Variants in MTA3 observed in about 807,000 individuals in gnomAD.
MTA3 encodes the protein metastasis associated 1 family member 3, also known as metastasis-associated protein MTA3.
MTA3 carries 34 observed loss-of-function variants against 83.5 expected under a neutral mutation model. The observed-to-expected ratio is 0.41, with a 90% CI of 0.31 to 0.54. The LOEUF (loss-of-function observed/expected upper bound fraction) is 0.54, where lower values mean the gene tolerates loss of function less well. MTA3 is among the 20% of genes least tolerant of loss of function. The pLI is 0.33. For missense variants in MTA3, 761 were observed against 726.4 expected, an observed-to-expected ratio of 1.05 and a Z score of -0.55; for synonymous variants, 303 against 252.7, an observed-to-expected ratio of 1.20 and a Z score of -1.89.
At chr2:42,518,545 ATAAAT>A (rs1482331327) in intron 2 of MTA3, among the ~76,000 whole-genome samples, 2 of 152,222 alleles carry the variant, frequency 1.3e-5, no homozygotes, top group Non-Finnish European at 2.9e-5. Flanking sequence ...AAAAGACTAA[ATAAAT>A]AAATGGGAAG....
At chr2:42,556,728 C>G (rs1677410187) in intron 2 of MTA3, among the ~76,000 whole-genome samples, 1 of 152,134 alleles carries the variant, frequency 6.6e-6, no homozygotes, top group African/African-American at 2.4e-5. Context: ...CCATGCCAGC[C>G]CAGATCTGAG....
intron 9 of MTA3, among the ~76,000 whole-genome samples, chr2:42,684,731 T>G (rs77676374): frequency 0.014 from 2,185 of 152,320 alleles, 52 homozygotes; most frequent in African/African-American, 0.049. Context: ...GTGAAAATAC[T>G]TTTCCCTGCA....
chr2:42,708,046 A>C lies in MTA3; in HGVS notation c.1294A>C (p.Thr432Pro). 6.2e-7 allele frequency: 1 copy of C among 1,606,602 alleles called. No individual in the cohort carries two copies. Residue 432 changes from threonine (T) to proline (P), a missense_variant, in exon 13 of 17, where the codon ACT becomes CCT. By Grantham distance (38) the Thr-to-Pro change is conservative. Transcript: ENST00000405094. The part of the protein sequence containing the change: ...SEEEKLSPSP[T>P]TEDPRVRSHV... ...AGAAGAGAAGTTATCTCCTAGCCCA[A>C]CTACAGAGGTACAGTAGTCTTTTTA...
chr2:42,647,893 C>T (rs929811495), intron 6 of MTA3, among the ~76,000 whole-genome samples: 5 of 152,294 alleles, frequency 3.3e-5, no homozygotes, highest in Middle Eastern at 3.4e-3. Context: ...GGCTGGAGTG[C>T]GGTGGCGTGA....
chr2:42,564,573 T>C (rs1157496210), upstream of MTA3, among the ~76,000 whole-genome samples: 1 of 152,140 alleles, frequency 6.6e-6, no homozygotes, highest in Non-Finnish European at 1.5e-5. Flanking sequence ...TGGCCTTTTC[T>C]GAAAGAATTT....
At chr2:42,686,156 C>T (rs1244145606) in intron 9 of MTA3, among the ~76,000 whole-genome samples, 3 of 152,148 alleles carry the variant, frequency 2.0e-5, no homozygotes, top group African/African-American at 4.8e-5. Context: ...TTTTCTGCTT[C>T]CAGTGTCTTA....
chr2:42,668,571 G>A lies in MTA3; in HGVS notation c.702+8709G>A, dbSNP rs143594280. ...AGCTCAATAAATATTAGTTGTTATTGTTGAGAAGACGACAATGGTGCATTT... is the reference window on the plus strand; with the variant it reads ...AGCTCAATAAATATTAGTTGTTATTATTGAGAAGACGACAATGGTGCATTT... On this transcript the variant is annotated intron_variant, in intron 8 of 16. Coordinates refer to ENST00000405094, the MANE Select transcript of MTA3 (RefSeq NM_001330442.2). Among the ~76,000 whole-genome samples, 16 of 152,304 alleles carry A rather than the reference G, an allele frequency of 1.1e-4. No individual in the cohort carries two copies. In the East Asian group the frequency reaches 3.1e-3, roughly 29 times the overall value.
At chr2:42,622,152 C>T (rs1268121689) in intron 4 of MTA3, among the ~76,000 whole-genome samples, 4 of 152,208 alleles carry the variant, frequency 2.6e-5, no homozygotes, top group South Asian at 2.1e-4. Context: ...TCTGCAATCC[C>T]GGCACCTCGG....
chr2:42,589,159 C>T (rs1028598953), intron 3 of MTA3, among the ~76,000 whole-genome samples: 3 of 152,070 alleles, frequency 2.0e-5, no homozygotes, highest in Non-Finnish European at 4.4e-5. Context: ...AAACCATCAT[C>T]GGCACCTTAT....
At chr2:42,567,238 C>A (rs1479482352), upstream of MTA3, among the ~76,000 whole-genome samples, 1 of 152,226 alleles carries the variant, frequency 6.6e-6, no homozygotes, top group African/African-American at 2.4e-5. Context: ...ATCCTTACCA[C>A]ACCTGTGAAG....
At chr2:42,582,547 G>T (rs1432449580) in intron 3 of MTA3, among the ~76,000 whole-genome samples, 1 of 152,056 alleles carries the variant, frequency 6.6e-6, no homozygotes, top group Non-Finnish European at 1.5e-5. Context: ...CACCATTTAG[G>T]TAGGCCAAGT....
At position 42,575,561 on chromosome 2, in the gene MTA3, A is replaced by T. The variant is rs60646215; in HGVS notation, c.97-3546A>T. On this transcript the variant is annotated intron_variant, in intron 2 of 16. Transcript: ENST00000405094. ...TAGACAGTGAGAATGCAAGGGTGATAAAAAAAAAACAGGTCTAGTGGAGAC... is the reference window on the plus strand; with the variant it reads ...TAGACAGTGAGAATGCAAGGGTGATTAAAAAAAAACAGGTCTAGTGGAGAC... Among the ~76,000 whole-genome samples the T allele has an allele frequency of 8.9e-5, 13 of 146,268 alleles. No homozygotes were observed. The East Asian group carries it at 2.0e-3, about 22-fold the overall frequency.
chr2:42,654,054 C>G (rs537279243), intron 6 of MTA3, among the ~76,000 whole-genome samples: 1 of 152,192 alleles, frequency 6.6e-6, no homozygotes, highest in Non-Finnish European at 1.5e-5. Flanking sequence ...TCTTGGCATG[C>G]TAAGAATTGT....
intron 4 of MTA3, among the ~76,000 whole-genome samples, chr2:42,629,982 A>T (rs1686515316): frequency 6.6e-6 from 1 of 152,026 alleles, no homozygotes; most frequent in Non-Finnish European, 1.5e-5. Context: ...GGGTTTCACC[A>T]TGTTGGCCAG....
intron 2 of MTA3, among the ~76,000 whole-genome samples, chr2:42,559,552 T>TC (rs1677564541): frequency 6.7e-6 from 1 of 149,438 alleles, no homozygotes; most frequent in Admixed American, 6.7e-5. Context: ...TTATATTCAA[T>TC]CCTTCAGTAA....
At chr2:42,657,936 A>G (rs1174089737) in intron 7 of MTA3, among the ~76,000 whole-genome samples, 1 of 151,616 alleles carries the variant, frequency 6.6e-6, no homozygotes, top group Non-Finnish European at 1.5e-5. Flanking sequence ...GCTGGGCATG[A>G]TGGTGGGTGC....
chr2:42,598,435 A>G (rs1682117882), intron 3 of MTA3, among the ~76,000 whole-genome samples: 2 of 152,124 alleles, frequency 1.3e-5, no homozygotes, highest in African/African-American at 4.8e-5. Flanking sequence ...AGTCCAAAGT[A>G]TTTTTCATTT....
rs1000979347 is a variant in MTA3, at chr2:42,667,576, G to A, written c.702+7714G>A. On this transcript the variant is annotated intron_variant, in intron 8 of 16. Coordinates refer to ENST00000405094, the MANE Select transcript of MTA3 (RefSeq NM_001330442.2). ...AATTTCCATCATTTAAAAATTGTGT[G>A]TGTGTGTGTGTGTGTGTGTGTGTGT... 5.5e-3 allele frequency among the ~76,000 whole-genome samples: 682 copies of A among 124,386 alleles called. 13 individuals carry two copies. The highest frequency in any genetic ancestry group is 0.019 in the African/African-American group (574 of 30,550). 81.6% of individuals were successfully genotyped at this position (124,386 alleles called of 152,430 possible).
At chr2:42,559,239 C>A (rs554000636) in intron 2 of MTA3, among the ~76,000 whole-genome samples, 1 of 152,210 alleles carries the variant, frequency 6.6e-6, no homozygotes, top group Non-Finnish European at 1.5e-5. Flanking sequence ...CAGTGGCTCA[C>A]GCCTGTAATC....
Sources: gnomAD v4.1 joint callset for allele counts (sites outside exome capture counted in the v4.1 genomes callset) on GRCh38, gnomAD v4.1.1 for gene constraint, MANE v1.5 for transcripts, NCBI Gene and HGNC (gene_info 2026-07-23, HGNC 2026-07-21) for gene names.